The following LOXHD1 variants were observed in gnomAD, a reference collection of about 807,000 sequenced individuals.
LOXHD1 encodes the protein lipoxygenase homology PLAT domains 1.
Under a neutral mutation model 248.2 loss-of-function variants are expected in LOXHD1, and 205 were observed. That is an observed-to-expected ratio of 0.83 (90% CI 0.74 to 0.93). The LOEUF (loss-of-function observed/expected upper bound fraction) is 0.93. LOXHD1 is among the 40% of genes least tolerant of loss of function. LOXHD1 has a pLI of 0.00. For missense variants in LOXHD1, 2,930 were observed against 2,971.6 expected (o/e 0.99, Z 0.33); for synonymous variants, 1,113 against 1,162.8 (o/e 0.96, Z 0.87).
intron 29 of LOXHD1, among the ~76,000 whole-genome samples, chr18:46,528,429 T>C (rs1353983306): frequency 6.6e-6 from 1 of 152,084 alleles, no homozygotes; most frequent in Non-Finnish European, 1.5e-5. Flanking sequence ...AGCCCACCCT[T>C]AGAGACTCCT....
intron 2 of LOXHD1, among the ~76,000 whole-genome samples, chr18:46,648,237 G>A (rs1475963845): frequency 3.9e-5 from 6 of 151,940 alleles, no homozygotes; most frequent in South Asian, 2.1e-4. Flanking sequence ...CAGCCTGGGC[G>A]ACAGAGCGAG....
Position 46,542,799 on chromosome 18 carries a change from T to C in LOXHD1, c.3676A>G (p.Ile1226Val), listed in dbSNP as rs1264469926. The C allele has an allele frequency of 2.4e-5, 38 of 1,551,734 alleles. No homozygotes were observed. Among genetic ancestry groups the C allele is most frequent in the Non-Finnish European group, 3.2e-5 (37 of 1,147,006 alleles). ...TNSDKFERDS[I>V]EIFTVETLDL... ...AGCGTCTCCACCGTGAAGATTTCAA[T>C]GCTGTCCCTCTCAAACTTATCGCTG... The change falls in exon 24 of 41, where the codon ATT becomes GTT. Residue 1226 changes from isoleucine to valine, a missense_variant. Physicochemically the swap from Ile to Val is conservative, Grantham distance 29. Transcript: ENST00000642948.
At chr18:46,605,415 T>TACTCAGGAGGCTG (rs6146300) in intron 6 of LOXHD1, among the ~76,000 whole-genome samples, 81,107 of 151,518 alleles carry the variant, frequency 0.54, 21,769 homozygotes, top group Non-Finnish European at 0.56. Flanking sequence ...TAGTCTCAGC[T>TACTCAGGAGGCTG]ACGCAGGAGA....
intron 14 of LOXHD1, among the ~76,000 whole-genome samples, chr18:46,577,428 T>C (rs892437034): frequency 2.6e-5 from 4 of 152,174 alleles, no homozygotes; most frequent in African/African-American, 9.7e-5. Context: ...AATTGCCAAA[T>C]TTTATCATGA....
At chr18:46,544,898 C>T (rs745381220) in intron 23 of LOXHD1, 17 of 473,444 alleles carry the variant, frequency 3.6e-5, no homozygotes, top group Non-Finnish European at 6.1e-5. Flanking sequence ...TGACTCCTCT[C>T]TAAACTCAAC....
chr18:46,491,726 G>A (rs1568085649), intron 37 of LOXHD1, among the ~76,000 whole-genome samples: 1 of 152,188 alleles, frequency 6.6e-6, no homozygotes, highest in Non-Finnish European at 1.5e-5. Flanking sequence ...CCGGGCTCCA[G>A]CCAGAATGGT....
intron 2 of LOXHD1, among the ~76,000 whole-genome samples, chr18:46,643,526 G>A (rs1298298631): frequency 6.6e-6 from 1 of 152,198 alleles, no homozygotes; most frequent in Non-Finnish European, 1.5e-5. Flanking sequence ...AATCAAACTA[G>A]CAATCGTGAG....
At chr18:46,510,141 C>T (rs1417457648) in intron 34 of LOXHD1, among the ~76,000 whole-genome samples, 1 of 152,204 alleles carries the variant, frequency 6.6e-6, no homozygotes, top group African/African-American at 2.4e-5. Flanking sequence ...TGGAGAATAA[C>T]ACTAGCCCTG....
At position 46,601,355 on chromosome 18, in the gene LOXHD1, G is replaced by T. The variant is rs2038335126; in HGVS notation, c.996C>A (p.Ile332=). The T allele has an allele frequency of 1.3e-6, 2 of 1,551,692 alleles. No individual in the cohort carries two copies. Among genetic ancestry groups the T allele is most frequent in the Non-Finnish European group, 1.7e-6 (2 of 1,146,990 alleles). Reference sequence around the variant, plus strand: ...GGTCAAACACGCCGCCCTCCAGGAAGATTTTCCCACTGTTCTTATTCCCTC... The same window carrying T: ...GGTCAAACACGCCGCCCTCCAGGAATATTTTCCCACTGTTCTTATTCCCTC... ...GARGNKNSGK[I]FLEGGVFDRG... is the part of the protein sequence containing the mutation. Residue 332 remains isoleucine, a synonymous_variant, in exon 8 of 41, where the codon ATC becomes ATA. Coordinates refer to ENST00000642948, the MANE Select transcript of LOXHD1 (RefSeq NM_001384474.1).
At chr18:46,622,209 G>A (rs532705301) in intron 4 of LOXHD1, among the ~76,000 whole-genome samples, 4 of 152,292 alleles carry the variant, frequency 2.6e-5, no homozygotes, top group African/African-American at 9.6e-5. Flanking sequence ...AGGATTTGCA[G>A]GCCATTTGGT....
At chr18:46,558,497 T>G (rs915935274) in intron 20 of LOXHD1, among the ~76,000 whole-genome samples, 4 of 152,212 alleles carry the variant, frequency 2.6e-5, no homozygotes, top group Admixed American at 1.3e-4. Context: ...CTATAATTTT[T>G]AAAGGAGAAC....
chr18:46,612,093 A>C (rs754886449), intron 5 of LOXHD1, among the ~76,000 whole-genome samples: 1 of 152,220 alleles, frequency 6.6e-6, no homozygotes, highest in Non-Finnish European at 1.5e-5. Flanking sequence ...ACTGCTGTAT[A>C]ATAGTCATTG....
At chr18:46,535,588 T>TTGC (rs2036274362) in intron 26 of LOXHD1, among the ~76,000 whole-genome samples, 1 of 79,796 alleles carries the variant, frequency 1.3e-5, no homozygotes, top group African/African-American at 4.9e-5. Flanking sequence ...GTTTTTGTTG[T>TTGC]TGTTGTTGTT....
At chr18:46,591,032 G>A (rs1354771721) in intron 12 of LOXHD1, among the ~76,000 whole-genome samples, 1 of 152,138 alleles carries the variant, frequency 6.6e-6, no homozygotes, top group Non-Finnish European at 1.5e-5. Context: ...TGATCAAACT[G>A]TTTCAACAAA....
intron 5 of LOXHD1, among the ~76,000 whole-genome samples, chr18:46,617,341 T>C (rs765379757): frequency 7.9e-5 from 12 of 152,186 alleles, no homozygotes; most frequent in Non-Finnish European, 1.3e-4. Context: ...TGGCTTTATA[T>C]TCAGTTTTAA....
chr18:46,483,742 C>T lies in LOXHD1; in HGVS notation c.6186G>A (p.Gly2062=). The part of the protein sequence containing the change: ...NSSRQRAFRK[G]TTDTFEFDSI... Reference sequence around the variant, plus strand: ...TGTCAAACTCAAACGTGTCTGTGGTCCCCCTGCAGGAAACAAAAGTGTGGT... The same window carrying T: ...TGTCAAACTCAAACGTGTCTGTGGTTCCCCTGCAGGAAACAAAAGTGTGGT... The change falls in exon 40 of 41, where the codon GGG becomes GGA. Residue 2062 remains glycine, a synonymous_variant. Coordinates refer to ENST00000642948, the MANE Select transcript of LOXHD1 (RefSeq NM_001384474.1). The T allele has an allele frequency of 1.3e-6, 2 of 1,541,082 alleles. No individual in the cohort carries two copies. The highest frequency in any genetic ancestry group is 2.4e-5 in the East Asian group (1 of 40,894).
chr18:46,656,064 G>C (rs753897225), intron 1 of LOXHD1, among the ~76,000 whole-genome samples: 2 of 152,148 alleles, frequency 1.3e-5, no homozygotes, highest in East Asian at 3.9e-4. Flanking sequence ...TGACTATGGC[G>C]CTTACGGGGA....
Position 46,593,591 on chromosome 18 carries a change from C to T in LOXHD1, c.1431+9G>A, listed in dbSNP as rs181825231. 17 of 1,552,088 alleles carry T rather than the reference C, an allele frequency of 1.1e-5. No individual in the cohort carries two copies. The Admixed American group carries it at 3.3e-4, about 30-fold the overall frequency. ...TTTCTCCCTCCCATCCATCACAATC[C>T]TCTCCTACCCTAAACTTCTCGATTA... On this transcript the variant is annotated intron_variant, in intron 10 of 40. Transcript: ENST00000642948.
intron 8 of LOXHD1, among the ~76,000 whole-genome samples, chr18:46,595,691 G>A (rs1452084259): frequency 6.6e-6 from 1 of 152,150 alleles, no homozygotes; most frequent in East Asian, 1.9e-4. Flanking sequence ...GATTCCATGT[G>A]ACCACATATT....
Sources: gnomAD v4.1 joint callset for allele counts (sites outside exome capture counted in the v4.1 genomes callset) on GRCh38, gnomAD v4.1.1 for gene constraint, MANE v1.5 for transcripts, NCBI Gene and HGNC (gene_info 2026-07-23, HGNC 2026-07-21) for gene names.